The following SGIP1 variants were observed in gnomAD, a reference collection of about 807,000 sequenced individuals.
The protein encoded by SGIP1 is SH3GL interacting endocytic adaptor 1.
In SGIP1, 38 loss-of-function variants were observed where a neutral mutation model predicts 107.5. That is an observed-to-expected ratio of 0.35 (90% CI 0.27 to 0.46). The LOEUF (loss-of-function observed/expected upper bound fraction) is 0.46, where lower values mean the gene tolerates loss of function less well. SGIP1 is among the 20% of genes least tolerant of loss of function. SGIP1 has a pLI of 1.00. For missense variants in SGIP1, 929 were observed against 1,019.5 expected, an observed-to-expected ratio of 0.91 and a Z score of 1.21; for synonymous variants, 365 against 366.1, an observed-to-expected ratio of 1.00 and a Z score of 0.03.
chr1:66,655,477 T>G (rs550095700), intron 7 of SGIP1, among the ~76,000 whole-genome samples: 1 of 152,344 alleles, frequency 6.6e-6, no homozygotes, highest in South Asian at 2.1e-4. Context: ...AATACTTTCC[T>G]TATTTAATTA....
intron 1 of SGIP1, among the ~76,000 whole-genome samples, chr1:66,589,163 CATATATATATATATATATATAT>C (rs55788345): frequency 0.087 from 6,107 of 69,804 alleles, 292 homozygotes; most frequent in Non-Finnish European, 0.1. Flanking sequence ...TAAAAGTTTA[CATATATATATATATATATATAT>C]ATATATATAT....
intron 1 of SGIP1, among the ~76,000 whole-genome samples, chr1:66,541,608 T>C (rs1182525582): frequency 1.3e-5 from 2 of 152,230 alleles, no homozygotes; most frequent in East Asian, 3.8e-4. Flanking sequence ...TTTTGGTGTA[T>C]ACCAAAAACT....
chr1:66,623,794 A>C (rs989442208), intron 1 of SGIP1, among the ~76,000 whole-genome samples: 19 of 152,292 alleles, frequency 1.2e-4, no homozygotes, highest in Admixed American at 6.5e-4. Context: ...AGGTAATGTA[A>C]CTTGTATTAA....
At chr1:66,653,203 T>C (rs1407275915) in intron 7 of SGIP1, among the ~76,000 whole-genome samples, 1 of 152,222 alleles carries the variant, frequency 6.6e-6, no homozygotes, top group Non-Finnish European at 1.5e-5. Context: ...AATTTTCTTT[T>C]TCAAAATATA....
At chr1:66,608,567 CTGT>C (rs1160252895) in intron 1 of SGIP1, among the ~76,000 whole-genome samples, 1 of 152,212 alleles carries the variant, frequency 6.6e-6, no homozygotes, top group Non-Finnish European at 1.5e-5. Flanking sequence ...CTACCAGACA[CTGT>C]TGTTCTGCTT....
chr1:66,733,818 A>C lies in SGIP1; in HGVS notation c.1969A>C (p.Lys657Gln). The change falls in exon 21 of 25, where the codon AAG becomes CAG. Residue 657 changes from lysine (K) to glutamine (Q), a missense_variant. Transcript: ENST00000371037. ...VNMPNLMTHLKKVSEQKPQAT... is the reference protein window; with the variant it reads ...VNMPNLMTHLQKVSEQKPQAT... ...CATGCCAAATTTGATGACTCACCTA[A>C]AGAAAGTGTCTGAACAAAAACCCCA... 1 of 1,613,684 alleles carries C rather than the reference A, an allele frequency of 6.2e-7. No individual in the cohort carries two copies. The highest frequency in any genetic ancestry group is 8.5e-7 in the Non-Finnish European group (1 of 1,179,796).
intron 15 of SGIP1, among the ~76,000 whole-genome samples, chr1:66,687,171 CT>C (rs896674579): frequency 6.6e-6 from 1 of 152,014 alleles, no homozygotes; most frequent in Admixed American, 6.6e-5. Flanking sequence ...AAACAGTTGG[CT>C]TTTTTTATTT....
intron 1 of SGIP1, among the ~76,000 whole-genome samples, chr1:66,542,308 A>T (rs1269509838): frequency 6.6e-6 from 1 of 152,182 alleles, no homozygotes; most frequent in Non-Finnish European, 1.5e-5. Context: ...AATTTAGAAC[A>T]GTTATAACAA....
upstream of SGIP1, chr1:66,534,134 C>CCT (rs1415231931): frequency 2.7e-5 from 16 of 597,810 alleles, no homozygotes; most frequent in Middle Eastern, 4.4e-4. Flanking sequence ...GCTTGCCGTT[C>CCT]CTCTCCCTTT....
intron 2 of SGIP1, among the ~76,000 whole-genome samples, chr1:66,632,300 C>T (rs891252166): frequency 3.9e-5 from 6 of 152,114 alleles, no homozygotes; most frequent in African/African-American, 9.7e-5. Flanking sequence ...ATAGCTGCCC[C>T]GGGCTTTAGT....
Position 66,676,284 on chromosome 1 carries a change from A to G in SGIP1, c.647-720A>G, listed in dbSNP as rs138156435. Among the ~76,000 whole-genome samples the G allele has an allele frequency of 4.2e-3, 633 of 152,334 alleles. 4 individuals are homozygous for G. Among genetic ancestry groups the G allele is most frequent in the African/African-American group, 0.015 (606 of 41,574 alleles). ...CCTAGACAACATAATGAATTACAGC[A>G]GTACTTGCATAGTCCCTGCCACAGG... On this transcript the variant is annotated intron_variant, in intron 12 of 24. Transcript: ENST00000371037.
At chr1:66,699,648 C>T (rs556211629) in intron 18 of SGIP1, among the ~76,000 whole-genome samples, 8 of 152,264 alleles carry the variant, frequency 5.3e-5, no homozygotes, top group African/African-American at 1.9e-4. Context: ...CTTTATGAAG[C>T]AATATTCTTT....
chr1:66,750,231 A>C lies in SGIP1; in HGVS notation c.*7136A>C, dbSNP rs2094607286. Among the ~76,000 whole-genome samples, 1 of 152,166 alleles carries C rather than the reference A, an allele frequency of 6.6e-6. No homozygotes were observed. Among genetic ancestry groups the C allele is most frequent in the Admixed American group, 6.5e-5 (1 of 15,274 alleles). ...AGCTGGCTTTTTAAGCTGTTTGAAC[A>C]CTATTGTTTTCGATTAAAAAGAGTT... On this transcript the variant is annotated 3_prime_UTR_variant, in exon 25 of 25. Coordinates refer to ENST00000371037, the MANE Select transcript of SGIP1 (RefSeq NM_032291.4).
intron 2 of SGIP1, among the ~76,000 whole-genome samples, chr1:66,630,902 AGAAGGGAGGGAGGGAGGGAGGAAGGAAG>A (rs2074334633): frequency 3.1e-4 from 2 of 6,526 alleles, no homozygotes; most frequent in Non-Finnish European, 4.7e-4. Context: ...AAAGAAAGAA[AGAAGGGAGGGAGGGAGGGAGGAAGGAAG>A]GAAGGAAAGA....
At chr1:66,695,621 C>A in intron 18 of SGIP1, 128 bp downstream of exon 18, 2 of 821,394 alleles carry the variant, frequency 2.4e-6, no homozygotes, top group Non-Finnish European at 3.7e-6. Context: ...AATGCTATGG[C>A]TACTTAGAAA....
intron 7 of SGIP1, among the ~76,000 whole-genome samples, chr1:66,659,378 G>C (rs796209907): frequency 6.6e-6 from 1 of 152,166 alleles, no homozygotes; most frequent in Non-Finnish European, 1.5e-5. Flanking sequence ...ATGAAGAATA[G>C]GGGAAAATTA....
chr1:66,545,469 G>A (rs375713823), intron 1 of SGIP1, among the ~76,000 whole-genome samples: 102 of 152,324 alleles, frequency 6.7e-4, no homozygotes, highest in African/African-American at 2.4e-3. Flanking sequence ...CTGTGTGTGT[G>A]ACTCTAGGGA....
intron 10 of SGIP1, among the ~76,000 whole-genome samples, 177 bp from the exon 11 acceptor site, chr1:66,671,767 A>C (rs1273080759): frequency 2.0e-5 from 3 of 152,194 alleles, no homozygotes; most frequent in Non-Finnish European, 4.4e-5. Context: ...ACACCACTAC[A>C]TATGCCTAAT....
chr1:66,569,785 T>C (rs2060134567), intron 1 of SGIP1, among the ~76,000 whole-genome samples: 2 of 151,880 alleles, frequency 1.3e-5, no homozygotes, highest in Non-Finnish European at 2.9e-5. Context: ...TGGAAAATAT[T>C]ATAGAAAATT....
Sources: allele counts gnomAD v4.1 joint callset (sites outside exome capture counted in the v4.1 genomes callset), GRCh38; gene constraint gnomAD v4.1.1; transcripts MANE v1.5; gene names NCBI Gene and HGNC (gene_info 2026-07-23, HGNC 2026-07-21).